TRAPPC9: variants seen among roughly 807,000 people sequenced by gnomAD.
The protein encoded by TRAPPC9 is trafficking protein particle complex subunit 9.
TRAPPC9 carries 83 observed loss-of-function variants against 124.0 expected under a neutral mutation model. The observed-to-expected ratio is 0.67, with a 90% confidence interval of 0.56 to 0.80. The LOEUF is 0.80. TRAPPC9 is among the 30% of genes least tolerant of loss of function. TRAPPC9 has a pLI of 0.00. For synonymous variants in TRAPPC9, 638 were observed against 617.5 expected (o/e 1.03, Z -0.49); for missense variants, 1,302 against 1,508.3 (o/e 0.86, Z 2.27).
In TRAPPC9 at chr8:140,220,025, G is replaced by A. The variant is rs79178577; in HGVS notation, c.2556+1434C>T. ...CAAAGCTCCAGGGCACCTGGGGCAC[G>A]CCCTGGGAATCCAGGCAAGCAGTAA... On this transcript the variant is annotated intron_variant, in intron 17 of 22. Coordinates refer to ENST00000438773, the MANE Select transcript of TRAPPC9 (RefSeq NM_001160372.4). Among the ~76,000 whole-genome samples, 198 of 152,282 alleles carry A rather than the reference G, an allele frequency of 1.3e-3. 1 individual carries two copies. Among genetic ancestry groups the A allele is most frequent in the Non-Finnish European group, 2.2e-3 (147 of 68,022 alleles).
intron 16 of TRAPPC9, among the ~76,000 whole-genome samples, chr8:140,235,765 C>T (rs905715803): frequency 6.6e-6 from 1 of 152,176 alleles, no homozygotes; most frequent in Non-Finnish European, 1.5e-5. Flanking sequence ...TAAACCTGAG[C>T]TTATGTCTAC....
At chr8:139,843,327 C>A (rs911700759) in intron 21 of TRAPPC9, among the ~76,000 whole-genome samples, 2 of 152,216 alleles carry the variant, frequency 1.3e-5, no homozygotes, top group African/African-American at 4.8e-5. Context: ...CGGGGCTGGT[C>A]ACTGGCTCAC....
rs1472033735 is a variant in TRAPPC9 at position 139,941,301 on chromosome 8, G to A, written c.2811-31001C>T. On this transcript the variant is annotated intron_variant, in intron 19 of 22. Coordinates refer to ENST00000438773, the MANE Select transcript of TRAPPC9 (RefSeq NM_001160372.4). ...GCCTCACAGGGAAACAACAGAGGCC[G>A]TCAGAGCAGAAGTAGTTTGTCCACT... 1.1e-4 allele frequency among the ~76,000 whole-genome samples: 17 copies of A among 152,356 alleles called. No individual in the cohort carries two copies. The East Asian group carries it at 2.9e-3, about 26-fold the overall frequency.
chr8:140,430,696 T>C (rs1250031590), intron 4 of TRAPPC9, among the ~76,000 whole-genome samples: 1 of 152,226 alleles, frequency 6.6e-6, no homozygotes, highest in Non-Finnish European at 1.5e-5. Context: ...TGGAGTGCAG[T>C]GGCAGAATCT....
At chr8:139,960,673 G>T (rs1297363495) in intron 19 of TRAPPC9, among the ~76,000 whole-genome samples, 1 of 63,878 alleles carries the variant, frequency 1.6e-5, no homozygotes, top group African/African-American at 3.4e-5. Context: ...CGTCCTCAAC[G>T]GAGAAGCCAG....
intron 17 of TRAPPC9, among the ~76,000 whole-genome samples, chr8:140,109,476 G>GTACA (rs1359425616): frequency 6.6e-6 from 1 of 152,076 alleles, no homozygotes; most frequent in Non-Finnish European, 1.5e-5. Flanking sequence ...AGACCATGTG[G>GTACA]TACAGTGAAA....
chr8:140,429,092 T>G (rs569992783), intron 4 of TRAPPC9, among the ~76,000 whole-genome samples: 9 of 151,424 alleles, frequency 5.9e-5, no homozygotes, highest in South Asian at 4.2e-4. Context: ...TTTTGTTTTT[T>G]TTTTTTTGAG....
chr8:140,151,113 G>A (rs2061537312), intron 17 of TRAPPC9, among the ~76,000 whole-genome samples: 2 of 152,164 alleles, frequency 1.3e-5, no homozygotes, highest in African/African-American at 4.8e-5. Context: ...CAGCAGGGGA[G>A]GGGATAAAGA....
At chr8:139,952,364 A>G (rs1189295452) in intron 19 of TRAPPC9, among the ~76,000 whole-genome samples, 1 of 152,254 alleles carries the variant, frequency 6.6e-6, no homozygotes, top group Non-Finnish European at 1.5e-5. Flanking sequence ...TGCCTAAATC[A>G]AATGGTTAAA....
At chr8:140,381,730 G>C (rs1289382707) in intron 7 of TRAPPC9, among the ~76,000 whole-genome samples, 3 of 150,722 alleles carry the variant, frequency 2.0e-5, no homozygotes, top group Non-Finnish European at 4.4e-5. Context: ...AGCCATGAGG[G>C]AAATGTAAAT....
intron 9 of TRAPPC9, among the ~76,000 whole-genome samples, chr8:140,344,904 T>C (rs2067292932): frequency 6.6e-6 from 1 of 152,216 alleles, no homozygotes; most frequent in African/African-American, 2.4e-5. Flanking sequence ...GCCGTGGTCA[T>C]ATCTGGGATG....
intron 18 of TRAPPC9, among the ~76,000 whole-genome samples, chr8:140,023,688 A>G (rs1839949439): frequency 6.6e-6 from 1 of 152,244 alleles, no homozygotes; most frequent in Non-Finnish European, 1.5e-5. Flanking sequence ...GAATGCTGCA[A>G]TCATCAGCGT....
chr8:139,997,454 G>A (rs962040997), intron 18 of TRAPPC9, among the ~76,000 whole-genome samples: 2 of 148,668 alleles, frequency 1.3e-5, no homozygotes, highest in South Asian at 2.2e-4. Flanking sequence ...CCACACAGAG[G>A]AGACAATATA....
At chr8:140,275,260 C>T (rs539078828) in intron 15 of TRAPPC9, among the ~76,000 whole-genome samples, 48 of 152,318 alleles carry the variant, frequency 3.2e-4, no homozygotes, top group Non-Finnish European at 6.0e-4. Flanking sequence ...CCAAACTACA[C>T]GAGCTGGATG....
intron 17 of TRAPPC9, among the ~76,000 whole-genome samples, chr8:140,159,489 CTCCAAA>C (rs2130880490): frequency 6.6e-6 from 1 of 152,274 alleles, no homozygotes; most frequent in East Asian, 1.9e-4. Flanking sequence ...ACCTACCTAC[CTCCAAA>C]TCATGTCCAC....
intron 20 of TRAPPC9, among the ~76,000 whole-genome samples, chr8:139,892,127 G>A (rs1021881335): frequency 6.6e-6 from 1 of 152,212 alleles, no homozygotes; most frequent in African/African-American, 2.4e-5. Flanking sequence ...GCAGCACCCC[G>A]AGTCCCGCAC....
chr8:140,301,051 G>A (rs1407740031), intron 10 of TRAPPC9, among the ~76,000 whole-genome samples: 1 of 152,158 alleles, frequency 6.6e-6, no homozygotes, highest in Non-Finnish European at 1.5e-5. Flanking sequence ...AAGACTCCTG[G>A]CACAGGGCCC....
Position 140,104,194 on chromosome 8 carries a change from T to G in TRAPPC9, c.2557-80115A>C, listed in dbSNP as rs1413253598. On this transcript the variant is annotated intron_variant, in intron 17 of 22. Transcript: ENST00000438773. This position sits in a 1 kb window ranked among gnomAD's most constrained non-coding sequence, Gnocchi z 4.0. The stretch of plus-strand genomic sequence containing the variant: ...ACAAAGAATGACAGTAGAATACATG[T>G]GCTACACTGTATGCCAGGGCTGTCG... 6.6e-6 allele frequency among the ~76,000 whole-genome samples: 1 copy of G among 152,172 alleles called. No individual in the cohort carries two copies. The highest frequency in any genetic ancestry group is 1.9e-4 in the East Asian group (1 of 5,184).
chr8:140,300,256 CACAT>C (rs1190929185), intron 11 of TRAPPC9, among the ~76,000 whole-genome samples: 1 of 142,656 alleles, frequency 7.0e-6, no homozygotes, highest in Non-Finnish European at 1.5e-5. Context: ...CATGCATACA[CACAT>C]ACACGCACAT....
Sources: gnomAD v4.1 joint callset for allele counts (sites outside exome capture counted in the v4.1 genomes callset) on GRCh38, gnomAD v4.1.1 for gene constraint, Gnocchi (gnomAD v3.1) non-coding constraint, MANE v1.5 for transcripts, NCBI Gene and HGNC (gene_info 2026-07-23, HGNC 2026-07-21) for gene names.